The following LIFR variants were observed in gnomAD, a reference collection of about 807,000 sequenced individuals.
The protein encoded by LIFR is leukemia inhibitory factor receptor.
LIFR carries 84 observed loss-of-function variants against 122.2 expected under a neutral mutation model. The ratio of observed to expected loss-of-function variants is 0.69; its 90% CI spans 0.58 to 0.82. LIFR has a LOEUF of 0.82. Ranked by LOEUF, LIFR falls within the 40% of genes least tolerant of loss-of-function variation. The pLI, the probability that LIFR is intolerant of heterozygous loss-of-function variation, is 0.00. For missense variants in LIFR, 1,294 were observed against 1,311.6 expected (o/e 0.99, Z 0.21); for synonymous variants, 422 against 434.7 (o/e 0.97, Z 0.36).
rs1006755450 is a variant in LIFR, at chr5:38,605,868, A to G, written n.305+337T>C. 1.3e-4 allele frequency among the ~76,000 whole-genome samples: 20 copies of G among 152,128 alleles called. 1 individual carries two copies. The highest frequency in any genetic ancestry group is 3.9e-4 in the African/African-American group (16 of 41,430). On this transcript the variant is annotated intron_variant and non_coding_transcript_variant, in intron 2 of 3. Transcript: ENST00000507786. Reference sequence around the variant, plus strand: ...GAGTTGTCCCGCCTTTCCAGACAGAACCAATGTACATGTTACGTATATTGA... The same window carrying G: ...GAGTTGTCCCGCCTTTCCAGACAGAGCCAATGTACATGTTACGTATATTGA...
At position 38,478,738 on chromosome 5, in the gene LIFR, A is replaced by G. The variant is rs1205428683; in HGVS notation, c.*2857T>C. 4.6e-6 allele frequency: 1 copy of G among 215,118 alleles called. No individual in the cohort carries two copies. Among genetic ancestry groups the G allele is most frequent in the Non-Finnish European group, 9.4e-6 (1 of 106,354 alleles). The allele number at this position is 215,118 out of a possible 1,614,324, so 13.3% of individuals were successfully genotyped here. ...TTGTAAGTGAATTGACTTGTAAGAG[A>G]GGTAAAAATGTGTCTTACATGAATT... On this transcript the variant is annotated 3_prime_UTR_variant, in exon 20 of 20. Coordinates refer to ENST00000453190, the MANE Select transcript of LIFR (RefSeq NM_001127671.2).
chr5:38,582,146 G>A (rs570082455), intron 1 of LIFR, among the ~76,000 whole-genome samples: 85 of 150,550 alleles, frequency 5.6e-4, no homozygotes, highest in Admixed American at 1.9e-3. Context: ...CTGCAGCCTC[G>A]AACTCCTGGG....
chr5:38,540,409 T>C lies in LIFR; in HGVS notation c.-19-9743A>G, dbSNP rs537007784. Among the ~76,000 whole-genome samples, 6 of 152,344 alleles carry C rather than the reference T, an allele frequency of 3.9e-5. No individual in the cohort carries two copies. The East Asian group carries it at 1.2e-3, about 29-fold the overall frequency. On this transcript the variant is annotated intron_variant, in intron 1 of 19. Coordinates refer to ENST00000453190, the MANE Select transcript of LIFR (RefSeq NM_001127671.2). ...TACCAAGCACTTCCACTAATCACATTATAACAAAGATCAGACAGTCTATGT... is the reference window on the plus strand; with the variant it reads ...TACCAAGCACTTCCACTAATCACATCATAACAAAGATCAGACAGTCTATGT...
At chr5:38,548,496 C>A (rs961455827) in intron 1 of LIFR, among the ~76,000 whole-genome samples, 2 of 152,164 alleles carry the variant, frequency 1.3e-5, no homozygotes, top group African/African-American at 4.8e-5. Context: ...TGGCTTTGAA[C>A]CACATTGGTC....
intron 5 of LIFR, among the ~76,000 whole-genome samples, chr5:38,518,479 T>C (rs1746225104): frequency 6.6e-6 from 1 of 152,178 alleles, no homozygotes. Context: ...TCCTATAAGA[T>C]TATAATGGAG....
intron 12 of LIFR, among the ~76,000 whole-genome samples, chr5:38,497,151 A>C (rs961458494): frequency 6.6e-6 from 1 of 152,056 alleles, no homozygotes; most frequent in Admixed American, 6.5e-5. Context: ...AAAATACAAA[A>C]ATTAGCCAGG....
intron 1 of LIFR, among the ~76,000 whole-genome samples, chr5:38,536,384 T>C (rs984257777): frequency 6.6e-6 from 1 of 152,156 alleles, no homozygotes; most frequent in Non-Finnish European, 1.5e-5. Context: ...AACAACTGCT[T>C]ACATAGCATT....
intron 1 of LIFR, among the ~76,000 whole-genome samples, chr5:38,534,039 T>A (rs1188150774): frequency 6.6e-6 from 1 of 152,196 alleles, no homozygotes; most frequent in Non-Finnish European, 1.5e-5. Flanking sequence ...GGGTCACCCA[T>A]CCACAGGAGT....
chr5:38,484,925 T>C (rs1580000866), intron 17 of LIFR, 57 bp from the exon 18 acceptor site: 3 of 1,150,368 alleles, frequency 2.6e-6, no homozygotes, highest in South Asian at 2.5e-5. Flanking sequence ...AAGTACAGAA[T>C]AGATGTATGT....
At chr5:38,575,062 C>G (rs533367905) in intron 1 of LIFR, among the ~76,000 whole-genome samples, 33 of 152,226 alleles carry the variant, frequency 2.2e-4, no homozygotes, top group African/African-American at 7.5e-4. Flanking sequence ...CCCATCCAAG[C>G]AGAACAGATC....
Position 38,530,848 on chromosome 5 carries a change from G to A in LIFR, c.-19-182C>T, listed in dbSNP as rs73077500. ...GAGACATCAATAATTGGACACAGCT[G>A]TTGCTTTAGGTATCTACTACGAGGC... On this transcript the variant is annotated intron_variant, in intron 1 of 19. Transcript: ENST00000453190. The A allele has an allele frequency of 2.2e-3, 1,295 of 581,864 alleles. 18 individuals are homozygous for A. The highest frequency in any genetic ancestry group is 0.021 in the African/African-American group (1,138 of 53,754). The allele number at this position is 581,864 out of a possible 1,614,324, so 36.0% of individuals were successfully genotyped here.
At chr5:38,550,991 T>C (rs1045077466) in intron 1 of LIFR, among the ~76,000 whole-genome samples, 1 of 152,192 alleles carries the variant, frequency 6.6e-6, no homozygotes, top group African/African-American at 2.4e-5. Context: ...CATTTTAAGC[T>C]CTAAATAGTT....
In LIFR at chr5:38,493,708, A is replaced by T. The variant is rs1353099103; in HGVS notation, c.1963T>A (p.Cys655Ser). The change falls in exon 14 of 20, where the codon TGC becomes AGC. Residue 655 changes from cysteine (C) to serine (S), a missense_variant. Physicochemically the swap from Cys to Ser is moderately radical, Grantham distance 112. Coordinates refer to ENST00000453190, the MANE Select transcript of LIFR (RefSeq NM_001127671.2). ...TTACACCACTTAATGACGTAGTCGC[A>T]AGTCATGTTGGGGTCGTAATGCCAG... ...LTWHYDPNMT[C>S]DYVIKWCNSS... The T allele has an allele frequency of 6.2e-7, 1 of 1,614,178 alleles. No homozygotes were observed. The highest frequency in any genetic ancestry group is 1.3e-5 in the African/African-American group (1 of 75,046).
intron 1 of LIFR, among the ~76,000 whole-genome samples, chr5:38,590,312 G>A (rs907843156): frequency 6.6e-6 from 1 of 152,122 alleles, no homozygotes; most frequent in Admixed American, 6.5e-5. Context: ...ATACAAGCAT[G>A]GGGGGAAGGG....
chr5:38,485,571 A>G, intron 17 of LIFR: 1 of 558,272 alleles, frequency 1.8e-6, no homozygotes, highest in Non-Finnish European at 3.2e-6. Flanking sequence ...TTAGACCTCT[A>G]GACTTCAGAT....
chr5:38,511,268 C>T (rs1161234285), intron 6 of LIFR, among the ~76,000 whole-genome samples: 1 of 152,172 alleles, frequency 6.6e-6, no homozygotes, highest in African/African-American at 2.4e-5. Context: ...TCTATCTCTA[C>T]AATGACTACC....
intron 5 of LIFR, among the ~76,000 whole-genome samples, chr5:38,520,233 T>G (rs1746329365): frequency 6.6e-6 from 1 of 152,202 alleles, no homozygotes; most frequent in Admixed American, 6.5e-5. Context: ...ATATTGAGCA[T>G]TTTTTCATAC....
chr5:38,513,809 TA>T (rs927219871), intron 5 of LIFR, among the ~76,000 whole-genome samples: 44 of 151,814 alleles, frequency 2.9e-4, no homozygotes, highest in Admixed American at 1.4e-3. Context: ...CCAATTAGAT[TA>T]AAAAAAAATT....
intron 8 of LIFR, 95 bp from the exon 9 acceptor site, chr5:38,506,169 T>C: frequency 1.3e-6 from 1 of 799,976 alleles, no homozygotes; most frequent in Non-Finnish European, 2.0e-6. Context: ...GTATAAAAAG[T>C]TTAAATTTCT....
Sources: gnomAD v4.1 joint callset for allele counts (sites outside exome capture counted in the v4.1 genomes callset) on GRCh38, gnomAD v4.1.1 for gene constraint, MANE v1.5 for transcripts, NCBI Gene and HGNC (gene_info 2026-07-23, HGNC 2026-07-21) for gene names.